Variants in RAPGEF6 observed in about 807,000 individuals in gnomAD.
RAPGEF6 encodes the protein PDZ domain containing guanine nucleotide exchange factor (GEF) 2.
RAPGEF6 carries 56 observed loss-of-function variants against 171.4 expected under a neutral mutation model. The observed-to-expected ratio is 0.33, with a 90% CI of 0.26 to 0.41. The LOEUF (loss-of-function observed/expected upper bound fraction) is 0.41, where lower values mean the gene tolerates loss of function less well. Ranked by LOEUF, RAPGEF6 falls within the 10% of genes least tolerant of loss-of-function variation. The pLI is 1.00. For missense variants in RAPGEF6, 1,674 were observed against 1,921.4 expected (o/e 0.87, Z 2.41); for synonymous variants, 692 against 650.1 (o/e 1.06, Z -0.98).
chr5:131,566,512 A>G lies in RAPGEF6; in HGVS notation c.282-4465T>C, dbSNP rs116795020. Among the ~76,000 whole-genome samples the G allele has an allele frequency of 7.2e-3, 1,090 of 152,286 alleles. 7 individuals carry two copies. The highest frequency in any genetic ancestry group is 0.024 in the African/African-American group (1,009 of 41,562). ...TTCTGTTAACAATTTCCGCATGTAT[A>G]TTCATGAGGAATAATAATCTGGAAT... is the stretch of plus-strand genomic sequence containing the variant. On this transcript the variant is annotated intron_variant, in intron 4 of 27. Transcript: ENST00000509018.
Position 131,548,136 on chromosome 5 carries a change from T to C in RAPGEF6, c.406A>G (p.Arg136Gly). The change falls in exon 6 of 28, where the codon AGA (arginine) becomes GGA (glycine). Residue 136 changes from arginine (R) to glycine (G), a missense_variant. Coordinates refer to ENST00000509018, the MANE Select transcript of RAPGEF6 (RefSeq NM_016340.6). ...TTCCGAAATCTTCTTCGGGATTGTC[T>C]GGCAGGAATTTCTCTTTGTAGAATA... ...DSILQREIPARQSRRRFRKIN... is the reference protein window; with the variant it reads ...DSILQREIPAGQSRRRFRKIN... 2 of 1,614,002 alleles carry C rather than the reference T, an allele frequency of 1.2e-6. No individual in the cohort carries two copies. Among genetic ancestry groups the C allele is most frequent in the Non-Finnish European group, 1.7e-6 (2 of 1,179,902 alleles).
chr5:131,461,926 C>T lies in RAPGEF6; in HGVS notation c.2643G>A (p.Pro881=), dbSNP rs762866456. ...TAAAAAGGTCATCGATGTACTCAGT[C>T]GGTTCAATATTACGAAACAAATCAA... The part of the protein sequence containing the change: ...RDFDLFRNIE[P]TEYIDDLFKL... Residue 881 remains proline (P), a synonymous_variant, in exon 19 of 28, where the codon CCG becomes CCA. Coordinates refer to ENST00000509018, the MANE Select transcript of RAPGEF6 (RefSeq NM_016340.6). The T allele has an allele frequency of 9.9e-6, 16 of 1,614,092 alleles. No homozygotes were observed. The highest frequency in any genetic ancestry group is 9.9e-5 in the South Asian group (9 of 91,072).
At chr5:131,527,513 C>T (rs1446854556) in intron 6 of RAPGEF6, among the ~76,000 whole-genome samples, 1 of 152,012 alleles carries the variant, frequency 6.6e-6, no homozygotes. Flanking sequence ...TGAGGAGTAG[C>T]CACTTTGGGG....
At chr5:131,463,578 CAAAA>C (rs374469493) in intron 18 of RAPGEF6, 40 of 419,242 alleles carry the variant, frequency 9.5e-5, no homozygotes, top group East Asian at 2.0e-4. Context: ...GACTCCATCT[CAAAA>C]AAAAAAAAAA....
At chr5:131,436,472 G>A in intron 24 of RAPGEF6, 3 of 1,159,148 alleles carry the variant, frequency 2.6e-6, no homozygotes, top group Non-Finnish European at 3.5e-6. Context: ...CTAACATCTT[G>A]ATAATATCTG....
intron 17 of RAPGEF6, chr5:131,471,980 C>G (rs146679497): frequency 9.8e-5 from 15 of 153,412 alleles, no homozygotes; most frequent in African/African-American, 3.6e-4. Flanking sequence ...ATATATCTTG[C>G]CTGAGAAGTG....
intron 4 of RAPGEF6, among the ~76,000 whole-genome samples, chr5:131,583,299 A>G (rs1383759459): frequency 6.6e-6 from 1 of 152,156 alleles, no homozygotes; most frequent in African/African-American, 2.4e-5. Context: ...TTTAGACACA[A>G]CTTATGAGTA....
chr5:131,491,421 G>C (rs899693608), intron 14 of RAPGEF6, among the ~76,000 whole-genome samples: 4 of 152,150 alleles, frequency 2.6e-5, no homozygotes, highest in Non-Finnish European at 5.9e-5. Flanking sequence ...ATTCTAAAAT[G>C]AAAGAACAAA....
intron 21 of RAPGEF6, among the ~76,000 whole-genome samples, chr5:131,450,346 T>C (rs1456271357): frequency 6.6e-6 from 1 of 152,124 alleles, no homozygotes; most frequent in Non-Finnish European, 1.5e-5. Flanking sequence ...AGGAAAAACA[T>C]TTACTTACTA....
intron 1 of RAPGEF6, among the ~76,000 whole-genome samples, chr5:131,615,486 G>A (rs1765207445): frequency 6.6e-6 from 1 of 152,154 alleles, no homozygotes; most frequent in African/African-American, 2.4e-5. Context: ...AAAGAACCCT[G>A]ACAGAGTCAG....
At position 131,505,493 on chromosome 5, in the gene RAPGEF6, G is replaced by A; in HGVS notation, c.972C>T (p.Gly324=). 1.2e-6 allele frequency: 2 copies of A among 1,613,456 alleles called. No individual in the cohort carries two copies. The highest frequency in any genetic ancestry group is 1.7e-6 in the Non-Finnish European group (2 of 1,179,704). ...ELDSWYVILN[G]TVEISHPDGK... ...CATCTGGATGACTGATTTCCACAGT[G>A]CCGTTTAAAATAACATACCATGAGT... Residue 324 remains glycine (G), a synonymous_variant, in exon 10 of 28, where the codon GGC becomes GGT. Transcript: ENST00000509018.
At chr5:131,465,637 G>A (rs1458023257) in intron 17 of RAPGEF6, among the ~76,000 whole-genome samples, 1 of 152,022 alleles carries the variant, frequency 6.6e-6, no homozygotes, top group East Asian at 1.9e-4. Context: ...TTAAAAATTA[G>A]CTGGGTGTGG....
chr5:131,474,185 C>T (rs553509465), intron 16 of RAPGEF6, among the ~76,000 whole-genome samples: 97 of 152,250 alleles, frequency 6.4e-4, no homozygotes, highest in African/African-American at 1.9e-3. Context: ...GAGAATAGGG[C>T]GGGGCACATT....
At chr5:131,487,193 T>A (rs1174533736) in intron 15 of RAPGEF6, among the ~76,000 whole-genome samples, 1 of 152,222 alleles carries the variant, frequency 6.6e-6, no homozygotes, top group Non-Finnish European at 1.5e-5. Flanking sequence ...ATGGTCTTGC[T>A]GACTTCAAGA....
chr5:131,584,179 G>A (rs778694247), intron 4 of RAPGEF6, among the ~76,000 whole-genome samples: 5 of 152,276 alleles, frequency 3.3e-5, no homozygotes, highest in Non-Finnish European at 7.4e-5. Flanking sequence ...AAATCGTGCT[G>A]TTCAGTGTAT....
At chr5:131,469,011 T>C (rs1754568285) in intron 17 of RAPGEF6, among the ~76,000 whole-genome samples, 1 of 152,130 alleles carries the variant, frequency 6.6e-6, no homozygotes, top group African/African-American at 2.4e-5. Context: ...ATAAAACAGG[T>C]AAAGATACGT....
In RAPGEF6 at chr5:131,575,063, C is replaced by T. The variant is rs549666589; in HGVS notation, c.282-13016G>A. ...TCCAGCCTGTGGTGCCAAACCCATACACTCTCCTATCCTCCATACCTCCCT... is the reference window on the plus strand; with the variant it reads ...TCCAGCCTGTGGTGCCAAACCCATATACTCTCCTATCCTCCATACCTCCCT... On this transcript the variant is annotated intron_variant, in intron 4 of 27. Transcript: ENST00000509018. 2.0e-5 allele frequency among the ~76,000 whole-genome samples: 3 copies of T among 152,242 alleles called. No homozygotes were observed. In the South Asian group the frequency reaches 6.2e-4, roughly 32 times the overall value.
At chr5:131,477,507 A>C (rs2149853916) in intron 16 of RAPGEF6, among the ~76,000 whole-genome samples, 1 of 152,284 alleles carries the variant, frequency 6.6e-6, no homozygotes, top group Middle Eastern at 3.4e-3. Context: ...ATAAAGTTAT[A>C]ATGCTTGAAA....
intron 3 of RAPGEF6, among the ~76,000 whole-genome samples, chr5:131,592,887 C>A (rs1422722975): frequency 6.6e-6 from 1 of 152,050 alleles, no homozygotes; most frequent in Non-Finnish European, 1.5e-5. Flanking sequence ...ACATTTAATT[C>A]TGAAGTATAT....
Sources: allele counts gnomAD v4.1 joint callset (sites outside exome capture counted in the v4.1 genomes callset), GRCh38; gene constraint gnomAD v4.1.1; transcripts MANE v1.5; gene names NCBI Gene and HGNC (gene_info 2026-07-23, HGNC 2026-07-21).